FOXO1: variants seen among roughly 807,000 people sequenced by gnomAD.
The protein encoded by FOXO1 is forkhead box O1.
FOXO1 carries 6 observed loss-of-function variants against 44.1 expected under a neutral mutation model. That is an observed-to-expected ratio of 0.14 (90% CI 0.07 to 0.27). FOXO1 has a LOEUF of 0.27. FOXO1 is among the 10% of genes least tolerant of loss of function. The probability of loss-of-function intolerance (pLI) is 1.00; values close to 1 mark genes in which losing one functional copy is unlikely to be tolerated. For missense variants in FOXO1, 737 were observed against 888.8 expected (o/e 0.83, Z 2.17); for synonymous variants, 380 against 362.7 (o/e 1.05, Z -0.54).
At chr13:40,639,749 A>C (rs1877287765) in intron 1 of FOXO1, among the ~76,000 whole-genome samples, 1 of 152,242 alleles carries the variant, frequency 6.6e-6, no homozygotes, top group Non-Finnish European at 1.5e-5. Flanking sequence ...TTGAATTGCC[A>C]AATGTCAGAG....
chr13:40,566,776 T>C (rs1874285611), intron 1 of FOXO1, among the ~76,000 whole-genome samples: 1 of 152,180 alleles, frequency 6.6e-6, no homozygotes, highest in Non-Finnish European at 1.5e-5. Context: ...AATACATGTT[T>C]TATCAAAAAG....
At chr13:40,617,373 A>T (rs890146298) in intron 1 of FOXO1, among the ~76,000 whole-genome samples, 1 of 151,794 alleles carries the variant, frequency 6.6e-6, no homozygotes, top group African/African-American at 2.4e-5. Context: ...TGAACCCAGG[A>T]GGCGGAGGTT....
intron 1 of FOXO1, among the ~76,000 whole-genome samples, chr13:40,622,445 A>T (rs912457747): frequency 6.6e-6 from 1 of 152,222 alleles, no homozygotes; most frequent in African/African-American, 2.4e-5. Context: ...ACTTACAGAG[A>T]TGTTTATTTA....
intron 1 of FOXO1, among the ~76,000 whole-genome samples, chr13:40,614,181 G>A (rs1158962888): frequency 2.0e-5 from 3 of 152,154 alleles, no homozygotes; most frequent in Admixed American, 6.5e-5. Context: ...AAGTCCACCC[G>A]GCCAGGCCAG....
intron 1 of FOXO1, among the ~76,000 whole-genome samples, chr13:40,599,244 G>A (rs1003604265): frequency 1.3e-5 from 2 of 150,470 alleles, no homozygotes; most frequent in African/African-American, 4.9e-5. Context: ...TCCAAGGTCT[G>A]TTTGCAGAGT....
chr13:40,561,235 C>T (rs1874002987), intron 1 of FOXO1, among the ~76,000 whole-genome samples: 1 of 151,636 alleles, frequency 6.6e-6, no homozygotes, highest in Admixed American at 6.6e-5. Context: ...ACCTGTAGTC[C>T]CAGCTACTCG....
chr13:40,586,830 G>A (rs530345723), intron 1 of FOXO1, among the ~76,000 whole-genome samples: 22 of 152,146 alleles, frequency 1.4e-4, no homozygotes, highest in Non-Finnish European at 2.8e-4. Context: ...CAAGGGAACC[G>A]TGGCTCAGGC....
At chr13:40,636,476 C>A (rs1473060483) in intron 1 of FOXO1, among the ~76,000 whole-genome samples, 2 of 151,752 alleles carry the variant, frequency 1.3e-5, no homozygotes, top group African/African-American at 4.9e-5. Flanking sequence ...TCAATACCAG[C>A]CTGGTCGATA....
chr13:40,662,080 A>G (rs1254446405), intron 1 of FOXO1, among the ~76,000 whole-genome samples: 1 of 150,616 alleles, frequency 6.6e-6, no homozygotes, highest in Non-Finnish European at 1.5e-5. Flanking sequence ...CTGAGGCAGA[A>G]GAATTGCTTG....
chr13:40,617,754 TAAG>T (rs1034882854), intron 1 of FOXO1, among the ~76,000 whole-genome samples: 5 of 152,152 alleles, frequency 3.3e-5, no homozygotes, highest in African/African-American at 1.2e-4. Flanking sequence ...GAACAATAAA[TAAG>T]AAGGCAAAAA....
intron 1 of FOXO1, among the ~76,000 whole-genome samples, chr13:40,590,704 C>G (rs573693028): frequency 3.0e-4 from 46 of 152,174 alleles, no homozygotes; most frequent in African/African-American, 1.0e-3. Flanking sequence ...GCTGCAATAT[C>G]GTTCCAGTTT....
intron 1 of FOXO1, among the ~76,000 whole-genome samples, chr13:40,664,781 G>A (rs116384052): frequency 0.014 from 2,118 of 151,300 alleles, 61 homozygotes; most frequent in African/African-American, 0.049. Context: ...TAAAGGCGCG[G>A]GCTTCCTGCG....
chr13:40,566,344 G>A (rs982216106), intron 1 of FOXO1, among the ~76,000 whole-genome samples: 2 of 151,972 alleles, frequency 1.3e-5, no homozygotes, highest in African/African-American at 4.8e-5. Context: ...CCACTGAAGT[G>A]CAGGATGAAA....
chr13:40,618,138 G>A (rs1876488968), intron 1 of FOXO1, among the ~76,000 whole-genome samples: 1 of 152,184 alleles, frequency 6.6e-6, no homozygotes, highest in Non-Finnish European at 1.5e-5. Flanking sequence ...GAGTGCAGTG[G>A]CGCAATCTCA....
At chr13:40,632,583 A>T (rs1036888199) in intron 1 of FOXO1, among the ~76,000 whole-genome samples, 3 of 151,554 alleles carry the variant, frequency 2.0e-5, no homozygotes, top group Non-Finnish European at 1.5e-5. Flanking sequence ...GGTTGCAGTG[A>T]GCTGAGATAG....
chr13:40,559,912 G>A lies in FOXO1; in HGVS notation c.1579C>T (p.His527Tyr), dbSNP rs1873915781. 2 of 1,614,110 alleles carry A rather than the reference G, an allele frequency of 1.2e-6. No homozygotes were observed. The highest frequency in any genetic ancestry group is 2.2e-5 in the East Asian group (1 of 44,890). The change falls in exon 2 of 3, where the codon CAT (histidine) becomes TAT (tyrosine). Residue 527 changes from histidine (H) to tyrosine (Y), a missense_variant. Transcript: ENST00000379561. ...TTAACTGCAGATGTCTGCTGAGCAT[G>A]TCCAGGGTGGGTATGGGAGCTGGGA... Reference protein sequence around the residue: ...MNPSSHTHPGHAQQTSAVNGR... With the variant: ...MNPSSHTHPGYAQQTSAVNGR...
intron 1 of FOXO1, among the ~76,000 whole-genome samples, chr13:40,625,332 C>G (rs1243801506): frequency 1.3e-5 from 2 of 152,178 alleles, no homozygotes; most frequent in African/African-American, 4.8e-5. Context: ...GTCTCTTTCT[C>G]CACCTAAAGA....
Position 40,627,628 on chromosome 13 carries a change from T to A in FOXO1, c.630+37955A>T, listed in dbSNP as rs1876827098. 2.0e-5 allele frequency among the ~76,000 whole-genome samples: 3 copies of A among 151,688 alleles called. No homozygotes were observed. In the South Asian group the frequency reaches 6.2e-4, roughly 31 times the overall value. Reference sequence around the variant, plus strand: ...TGGGCAGGTCATCTGAGGTCGGGAGTTCGAGACCAGCCTGGCCAGCATGGT... The same window carrying A: ...TGGGCAGGTCATCTGAGGTCGGGAGATCGAGACCAGCCTGGCCAGCATGGT... On this transcript the variant is annotated intron_variant, in intron 1 of 2. Coordinates refer to ENST00000379561, the MANE Select transcript of FOXO1 (RefSeq NM_002015.4).
At chr13:40,609,263 C>T (rs1876138999) in intron 1 of FOXO1, among the ~76,000 whole-genome samples, 1 of 151,956 alleles carries the variant, frequency 6.6e-6, no homozygotes, top group Non-Finnish European at 1.5e-5. Context: ...AAACTGGGAG[C>T]CTACTGCTTC....
Sources: allele counts gnomAD v4.1 joint callset (sites outside exome capture counted in the v4.1 genomes callset), GRCh38; gene constraint gnomAD v4.1.1; transcripts MANE v1.5; gene names NCBI Gene and HGNC (gene_info 2026-07-23, HGNC 2026-07-21).